CDK13: variants seen among roughly 807,000 people sequenced by gnomAD.
The protein encoded by CDK13 is cyclin-dependent kinase 13.
CDK13 carries 40 observed loss-of-function variants against 137.6 expected under a neutral mutation model. The observed-to-expected ratio is 0.29, with a 90% CI of 0.23 to 0.38. The LOEUF (loss-of-function observed/expected upper bound fraction) is 0.38. CDK13 is among the 10% of genes least tolerant of loss of function. CDK13 has a pLI of 1.00. For synonymous variants in CDK13, 869 were observed against 760.1 expected (o/e 1.14, Z -2.36); for missense variants, 1,704 against 1,951.8 (o/e 0.87, Z 2.39).
At chr7:40,069,135 C>T (rs764324118) in intron 9 of CDK13, among the ~76,000 whole-genome samples, 9 of 152,094 alleles carry the variant, frequency 5.9e-5, no homozygotes, top group Non-Finnish European at 7.4e-5. Flanking sequence ...TGGGAGGCTG[C>T]GGTACAAGGA....
At chr7:40,093,874 C>CCAGTCT (rs941320408) in intron 13 of CDK13, among the ~76,000 whole-genome samples, 66 of 149,038 alleles carry the variant, frequency 4.4e-4, no homozygotes, top group Non-Finnish European at 8.1e-4. Flanking sequence ...CCACTGCACT[C>CCAGTCT]CAGTCTGGGT....
intron 5 of CDK13, among the ~76,000 whole-genome samples, chr7:40,043,713 AC>A (rs1785666368): frequency 6.6e-6 from 1 of 151,682 alleles, no homozygotes; most frequent in African/African-American, 2.4e-5. Context: ...CATGACCCCA[AC>A]TATACTTGGA....
At chr7:40,010,455 A>G (rs1406639168) in intron 5 of CDK13, among the ~76,000 whole-genome samples, 1 of 152,206 alleles carries the variant, frequency 6.6e-6, no homozygotes, top group Non-Finnish European at 1.5e-5. Context: ...AGGCCAAGGC[A>G]GGCAGATCAC....
At chr7:40,092,565 C>A in intron 12 of CDK13, 1 of 503,804 alleles carries the variant, frequency 2.0e-6, no homozygotes, top group Non-Finnish European at 3.5e-6. Context: ...AGTATTTACC[C>A]CTAAAGATTT....
intron 1 of CDK13, among the ~76,000 whole-genome samples, chr7:39,975,595 G>C (rs774249683): frequency 6.6e-6 from 1 of 152,168 alleles, no homozygotes; most frequent in Non-Finnish European, 1.5e-5. Flanking sequence ...CATTTGAACA[G>C]TGTTTTATAA....
At chr7:40,050,516 C>T (rs375670996) in intron 7 of CDK13, among the ~76,000 whole-genome samples, 41 of 152,268 alleles carry the variant, frequency 2.7e-4, no homozygotes, top group African/African-American at 6.5e-4. Flanking sequence ...TTCAGCCTTC[C>T]GAGTAGCTGG....
intron 1 of CDK13, among the ~76,000 whole-genome samples, chr7:39,983,486 A>G (rs1784273206): frequency 6.6e-6 from 1 of 152,250 alleles, no homozygotes; most frequent in Admixed American, 6.5e-5. Flanking sequence ...GATTCTGTCT[A>G]AAAGAGATTA....
At chr7:39,953,456 T>TA (rs1787302703) in intron 1 of CDK13, among the ~76,000 whole-genome samples, 3 of 152,200 alleles carry the variant, frequency 2.0e-5, no homozygotes, top group Admixed American at 2.0e-4. Context: ...ATTTTGTACT[T>TA]ATCAGGTTTT....
chr7:39,974,556 C>CTTTTTTTTTTTTTTTTTTTTTT (rs59844316), intron 1 of CDK13, among the ~76,000 whole-genome samples: 2 of 132,994 alleles, frequency 1.5e-5, no homozygotes, highest in African/African-American at 2.8e-5. Context: ...TTCTTTTTTT[C>CTTTTTTTTTTTTTTTTTTTTTT]TTTTTTTTTT....
chr7:40,087,741 G>C (rs1274910567), intron 11 of CDK13, among the ~76,000 whole-genome samples: 1 of 151,914 alleles, frequency 6.6e-6, no homozygotes, highest in Non-Finnish European at 1.5e-5. Context: ...TAGAAACGGG[G>C]TTTTGCCATG....
intron 2 of CDK13, among the ~76,000 whole-genome samples, chr7:39,997,042 CAATTTT>C (rs1322469367): frequency 6.9e-6 from 1 of 145,652 alleles, no homozygotes; most frequent in African/African-American, 2.6e-5. Flanking sequence ...AGTTGATTTT[CAATTTT>C]AATGTACAGT....
chr7:39,996,664 G>A (rs868464627), intron 2 of CDK13, among the ~76,000 whole-genome samples: 1 of 151,952 alleles, frequency 6.6e-6, no homozygotes, highest in African/African-American at 2.4e-5. Flanking sequence ...TATTTCTTAC[G>A]GTAAAATGTT....
chr7:39,979,807 AAG>A (rs1239132802), intron 1 of CDK13, among the ~76,000 whole-genome samples: 1 of 152,122 alleles, frequency 6.6e-6, no homozygotes, highest in East Asian at 1.9e-4. Context: ...ATTTTTATAA[AAG>A]AGAGGCTGTA....
At position 39,999,359 on chromosome 7, in the gene CDK13, A is replaced by G. The variant is rs1285932653; in HGVS notation, c.2043-2A>G. The stretch of plus-strand genomic sequence containing the variant: ...TAAAAACTTTAGAACTATATTTGAT[A>G]GAATATGTGGGCCTCGCTATGGTGA... On this transcript the variant is annotated splice_acceptor_variant, in intron 3 of 13. Coordinates refer to ENST00000181839, the MANE Select transcript of CDK13 (RefSeq NM_003718.5). LOFTEE classifies it high-confidence loss of function. 6.2e-7 allele frequency: 1 copy of G among 1,602,850 alleles called. No homozygotes were observed. Among genetic ancestry groups the G allele is most frequent in the Non-Finnish European group, 8.5e-7 (1 of 1,175,968 alleles).
At chr7:40,024,975 G>T (rs1399979469) in intron 5 of CDK13, among the ~76,000 whole-genome samples, 1 of 151,968 alleles carries the variant, frequency 6.6e-6, no homozygotes, top group East Asian at 1.9e-4. Context: ...TAGCTCTGTG[G>T]TTTTTTAATC....
chr7:39,988,344 C>T, intron 2 of CDK13, 86 bp downstream of exon 2: 1 of 933,972 alleles, frequency 1.1e-6, no homozygotes, highest in Non-Finnish European at 1.6e-6. Flanking sequence ...CCCTAACCCC[C>T]TCGAAACAAC....
At chr7:40,020,715 ATAT>A (rs1785098860) in intron 5 of CDK13, among the ~76,000 whole-genome samples, 2 of 152,238 alleles carry the variant, frequency 1.3e-5, no homozygotes, top group Admixed American at 6.5e-5. Context: ...TTTAATGGTA[ATAT>A]TATAGCTATA....
At position 40,045,903 on chromosome 7, in the gene CDK13, T is replaced by A. The variant is rs146697164; in HGVS notation, c.2421T>A (p.Val807=). Residue 807 remains valine, a synonymous_variant, in exon 6 of 14, where the codon GTT becomes GTA. Transcript: ENST00000181839. Reference sequence around the variant, plus strand: ...TGGGACTACTGGAATCAGGCTTGGTTCATTTTAATGAAAATCACATAAAGT... The same window carrying A: ...TGGGACTACTGGAATCAGGCTTGGTACATTTTAATGAAAATCACATAAAGT... The part of the protein sequence containing the change: ...DLMGLLESGL[V]HFNENHIKSF... 409 of 1,613,340 alleles carry A rather than the reference T, an allele frequency of 2.5e-4. 1 individual carries two copies. In the African/African-American group the frequency reaches 5.1e-3, roughly 20 times the overall value.
At chr7:40,035,982 G>A (rs1584020500) in intron 5 of CDK13, among the ~76,000 whole-genome samples, 1 of 152,144 alleles carries the variant, frequency 6.6e-6, no homozygotes, top group East Asian at 1.9e-4. Flanking sequence ...GGGTGATATA[G>A]TAAGACCTCG....
Sources: allele counts gnomAD v4.1 joint callset (sites outside exome capture counted in the v4.1 genomes callset), GRCh38; gene constraint gnomAD v4.1.1; transcripts MANE v1.5; gene names NCBI Gene and HGNC (gene_info 2026-07-23, HGNC 2026-07-21).